The following DTHD1 variants were observed in gnomAD, a reference collection of about 807,000 sequenced individuals.
DTHD1 encodes the protein death domain-containing protein 1.
DTHD1 carries 59 observed loss-of-function variants against 74.8 expected under a neutral mutation model. The ratio of observed to expected loss-of-function variants is 0.79; its 90% CI spans 0.64 to 0.98. The LOEUF (loss-of-function observed/expected upper bound fraction) is 0.98. Among genes scored for constraint, DTHD1 ranks in the 50% least tolerant of loss-of-function variants. The pLI, the probability that DTHD1 is intolerant of heterozygous loss-of-function variation, is 0.00. For synonymous variants in DTHD1, 365 were observed against 371.1 expected (o/e 0.98, Z 0.19); for missense variants, 1,051 against 1,065.4 (o/e 0.99, Z 0.19).
At chr4:36,289,226 A>G (rs992987398) in intron 2 of DTHD1, among the ~76,000 whole-genome samples, 1 of 152,164 alleles carries the variant, frequency 6.6e-6, no homozygotes, top group African/African-American at 2.4e-5. Flanking sequence ...GAGAAGTAGT[A>G]AAAAAAGAGG....
At chr4:36,342,584 G>A (rs1759375195) in intron 9 of DTHD1, among the ~76,000 whole-genome samples, 1 of 152,082 alleles carries the variant, frequency 6.6e-6, no homozygotes, top group South Asian at 2.1e-4. Context: ...CGGCCCAGTG[G>A]AAAGTGTTGG....
intron 8 of DTHD1, among the ~76,000 whole-genome samples, chr4:36,330,378 GTCA>G: frequency 6.6e-6 from 1 of 152,226 alleles, no homozygotes; most frequent in Admixed American, 6.5e-5. Flanking sequence ...CAGTTTAAAT[GTCA>G]TATTTGTCAT....
chr4:36,330,127 T>C (rs1329378233), intron 8 of DTHD1, among the ~76,000 whole-genome samples: 1 of 152,198 alleles, frequency 6.6e-6, no homozygotes, highest in African/African-American at 2.4e-5. Context: ...TGCTTACTTT[T>C]AAAAGGAGGA....
At chr4:36,305,767 G>A (rs1287526520) in intron 5 of DTHD1, among the ~76,000 whole-genome samples, 1 of 152,096 alleles carries the variant, frequency 6.6e-6, no homozygotes, top group African/African-American at 2.4e-5. Context: ...ACCACTCTTT[G>A]CTATTCTAGA....
In DTHD1 at chr4:36,284,025, G is replaced by A. The variant is rs1755548127; in HGVS notation, c.321G>A (p.Gly107=). Residue 107 remains glycine (G), a synonymous_variant, in exon 2 of 10, where the codon GGG becomes GGA. Transcript: ENST00000639862. ...TCATAAAAATAACTGAACATTTGGG[G>A]AGCACTGCTGCACTTCTAAAGAAAG... ...DCLIKITEHL[G]STAALLKKEE... 2.0e-6 allele frequency: 3 copies of A among 1,537,052 alleles called. No homozygotes were observed. The highest frequency in any genetic ancestry group is 8.7e-7 in the Non-Finnish European group (1 of 1,146,862).
At chr4:36,339,937 A>G (rs1398537954) in intron 9 of DTHD1, among the ~76,000 whole-genome samples, 1 of 152,242 alleles carries the variant, frequency 6.6e-6, no homozygotes, top group Non-Finnish European at 1.5e-5. Context: ...TGATATAGAA[A>G]ACAACAACAG....
At chr4:36,314,458 C>T (rs187184731) in intron 7 of DTHD1, among the ~76,000 whole-genome samples, 1 of 150,788 alleles carries the variant, frequency 6.6e-6, no homozygotes, top group East Asian at 1.9e-4. Context: ...GGATTGCTTG[C>T]CTTCAGGAGA....
At chr4:36,324,458 T>C (rs1229543875) in intron 8 of DTHD1, among the ~76,000 whole-genome samples, 2 of 152,262 alleles carry the variant, frequency 1.3e-5, no homozygotes, top group East Asian at 3.8e-4. Flanking sequence ...ATTTCATTGA[T>C]GTGTTTGCAC....
intron 8 of DTHD1, among the ~76,000 whole-genome samples, chr4:36,336,354 T>TTTG (rs71201019): frequency 0.73 from 110,285 of 151,816 alleles, 40,841 homozygotes; most frequent in African/African-American, 0.86. Flanking sequence ...AATGGCACCT[T>TTTG]TTGTTGTTGT....
At chr4:36,328,805 C>A (rs1423298411) in intron 8 of DTHD1, among the ~76,000 whole-genome samples, 2 of 152,222 alleles carry the variant, frequency 1.3e-5, no homozygotes, top group African/African-American at 2.4e-5. Context: ...TACTGCCCAG[C>A]CCCTATTCCC....
chr4:36,308,975 G>T (rs1757221722), intron 7 of DTHD1, among the ~76,000 whole-genome samples: 2 of 139,516 alleles, frequency 1.4e-5, no homozygotes, highest in South Asian at 4.8e-4. Flanking sequence ...AATCTAACCT[G>T]GGGGTCAGTG....
At chr4:36,286,178 T>C (rs892885117) in intron 2 of DTHD1, among the ~76,000 whole-genome samples, 3 of 152,202 alleles carry the variant, frequency 2.0e-5, no homozygotes, top group African/African-American at 7.2e-5. Context: ...GAATTACCGC[T>C]CCAACAAAAC....
chr4:36,307,636 A>T (rs181732574), intron 6 of DTHD1, among the ~76,000 whole-genome samples: 1 of 152,280 alleles, frequency 6.6e-6, no homozygotes, highest in Non-Finnish European at 1.5e-5. Flanking sequence ...CTTCCCACCT[A>T]CACAGAGATG....
intron 5 of DTHD1, among the ~76,000 whole-genome samples, chr4:36,304,230 G>C (rs1217189994): frequency 6.6e-6 from 1 of 152,186 alleles, no homozygotes; most frequent in African/African-American, 2.4e-5. Flanking sequence ...TTACATTGAA[G>C]TCAATTTCTA....
chr4:36,336,601 G>T lies in DTHD1; in HGVS notation c.2341-2511G>T, dbSNP rs138437891. ...TCCAGTATGTGTGATCCTGACTTCAGCCTGGTAGTGGTGGGCTGTTTGTAA... is the reference window on the plus strand; with the variant it reads ...TCCAGTATGTGTGATCCTGACTTCATCCTGGTAGTGGTGGGCTGTTTGTAA... On this transcript the variant is annotated intron_variant, in intron 8 of 9. Coordinates refer to ENST00000639862, the MANE Select transcript of DTHD1 (RefSeq NM_001170700.3). Among the ~76,000 whole-genome samples, 7 of 152,258 alleles carry T rather than the reference G, an allele frequency of 4.6e-5. No individual in the cohort carries two copies. The East Asian group carries it at 1.4e-3, about 29-fold the overall frequency.
chr4:36,291,163 G>A (rs1049356440), intron 3 of DTHD1, among the ~76,000 whole-genome samples: 1 of 152,210 alleles, frequency 6.6e-6, no homozygotes, highest in African/African-American at 2.4e-5. Context: ...TTGTTAGTAA[G>A]TCTAGAAATG....
chr4:36,316,541 T>C (rs1757750654), intron 8 of DTHD1, 55 bp downstream of exon 8: 38 of 1,472,774 alleles, frequency 2.6e-5, no homozygotes, highest in Non-Finnish European at 3.5e-5. Flanking sequence ...TATAATTCTG[T>C]AACACAATCA....
chr4:36,317,171 A>G (rs570845390), intron 8 of DTHD1, among the ~76,000 whole-genome samples: 2 of 152,332 alleles, frequency 1.3e-5, no homozygotes, highest in South Asian at 2.1e-4. Context: ...TTTTTTGTCT[A>G]TGACTAGCAG....
At position 36,292,988 on chromosome 4, in the gene DTHD1, C is replaced by G. The variant is rs148336720; in HGVS notation, c.1219-538C>G. Reference sequence around the variant, plus strand: ...CACAAATATCTTAGTCATTTGCTCCCACTGCACAGAGGAGAGGCAAAGAGA... The same window carrying G: ...CACAAATATCTTAGTCATTTGCTCCGACTGCACAGAGGAGAGGCAAAGAGA... On this transcript the variant is annotated intron_variant, in intron 3 of 9. Transcript: ENST00000639862. 2.0e-4 allele frequency among the ~76,000 whole-genome samples: 30 copies of G among 152,298 alleles called. No individual in the cohort carries two copies. In the East Asian group the frequency reaches 5.6e-3, roughly 28 times the overall value.
Sources: gnomAD v4.1 joint callset for allele counts (sites outside exome capture counted in the v4.1 genomes callset) on GRCh38, gnomAD v4.1.1 for gene constraint, MANE v1.5 for transcripts, NCBI Gene and HGNC (gene_info 2026-07-23, HGNC 2026-07-21) for gene names.